Variants in ACSM2B observed in about 807,000 individuals in gnomAD.
The protein encoded by ACSM2B is acyl-coenzyme A synthetase ACSM2B, mitochondrial.
ACSM2B carries 58 observed loss-of-function variants against 78.6 expected under a neutral mutation model. The observed-to-expected ratio is 0.74, with a 90% CI of 0.60 to 0.92. The LOEUF (loss-of-function observed/expected upper bound fraction) is 0.92. Among genes scored for constraint, ACSM2B ranks in the 40% least tolerant of loss-of-function variants. The probability of loss-of-function intolerance (pLI) is 0.00; values close to 1 mark genes in which losing one functional copy is unlikely to be tolerated. For missense variants in ACSM2B, 688 were observed against 711.2 expected (o/e 0.97, Z 0.37); for synonymous variants, 257 against 256.8 (o/e 1.00, Z -0.01).
intron 10 of ACSM2B, chr16:20,544,587 T>C: frequency 2.0e-6 from 2 of 985,424 alleles, no homozygotes; most frequent in Non-Finnish European, 2.4e-6. Context: ...TCAGAAGGCA[T>C]GCCCTTGGGT....
intron 13 of ACSM2B, among the ~76,000 whole-genome samples, chr16:20,538,810 T>C (rs1453449708): frequency 6.6e-6 from 1 of 152,108 alleles, no homozygotes; most frequent in Non-Finnish European, 1.5e-5. Flanking sequence ...TGGAGGTGAA[T>C]GTTGAACCCG....
intron 2 of ACSM2B, among the ~76,000 whole-genome samples, chr16:20,560,484 C>G (rs2015618689): frequency 6.6e-6 from 1 of 152,088 alleles, no homozygotes; most frequent in Non-Finnish European, 1.5e-5. Context: ...CTTTCTTCAT[C>G]TTCCAACATT....
At chr16:20,575,122 G>C (rs1174775513) in intron 1 of ACSM2B, among the ~76,000 whole-genome samples, 1 of 151,484 alleles carries the variant, frequency 6.6e-6, no homozygotes, top group Non-Finnish European at 1.5e-5. Flanking sequence ...TTAGTATTTT[G>C]GGGTCTAATC....
intron 12 of ACSM2B, chr16:20,542,455 T>C (rs558906135): frequency 6.4e-6 from 1 of 155,990 alleles, no homozygotes; most frequent in South Asian, 2.0e-4. Context: ...TAATGCCAAA[T>C]AGTATTCCAT....
intron 1 of ACSM2B, among the ~76,000 whole-genome samples, chr16:20,572,852 T>C (rs1185590176): frequency 6.6e-6 from 1 of 151,998 alleles, no homozygotes; most frequent in Non-Finnish European, 1.5e-5. Context: ...TTCTTCTGCT[T>C]GTTCAATTCT....
Position 20,559,369 on chromosome 16 carries a change from G to T in ACSM2B, c.256C>A (p.Leu86Met), listed in dbSNP as rs778557354. 6.2e-7 allele frequency: 1 copy of T among 1,611,552 alleles called. No homozygotes were observed. The highest frequency in any genetic ancestry group is 8.5e-7 in the Non-Finnish European group (1 of 1,178,808). ...GKELMWNFRE[L>M]SENSQQAANI... Reference sequence around the variant, plus strand: ...GCTGCCTGCTGGCTGTTTTCACTCAGTTCTCTGAAATTCCACATTAATTCC... The same window carrying T: ...GCTGCCTGCTGGCTGTTTTCACTCATTTCTCTGAAATTCCACATTAATTCC... The change falls in exon 3 of 14, where the codon CTG (leucine) becomes ATG (methionine). Residue 86 changes from leucine (L) to methionine (M), a missense_variant. Leu to Met is a conservative substitution (Grantham distance 15). Coordinates refer to ENST00000329697, the MANE Select transcript of ACSM2B (RefSeq NM_001105069.2).
intron 1 of ACSM2B, among the ~76,000 whole-genome samples, chr16:20,567,145 ATAG>A (rs2015922405): frequency 7.4e-6 from 1 of 135,362 alleles, no homozygotes; most frequent in East Asian, 2.0e-4. Context: ...GATATAATAT[ATAG>A]TATAATAAGA....
intron 3 of ACSM2B, among the ~76,000 whole-genome samples, chr16:20,556,271 A>C (rs941287863): frequency 1.3e-5 from 2 of 152,166 alleles, no homozygotes; most frequent in Admixed American, 1.3e-4. Context: ...TACTATTTTA[A>C]TGAGACTCCT....
chr16:20,576,136 T>C (rs1431439947), intron 1 of ACSM2B, 71 bp downstream of exon 1: 3 of 151,038 alleles, frequency 2.0e-5, no homozygotes, highest in African/African-American at 7.4e-5. Context: ...TCACCAGCTG[T>C]GACTCTAAAA....
chr16:20,557,550 A>G (rs2015513051), intron 3 of ACSM2B, among the ~76,000 whole-genome samples: 1 of 152,212 alleles, frequency 6.6e-6, no homozygotes, highest in South Asian at 2.1e-4. Context: ...AGCATCCAAT[A>G]TGACCATCCA....
chr16:20,540,943 G>A, intron 12 of ACSM2B, 170 bp from the exon 13 acceptor site: 2 of 1,065,540 alleles, frequency 1.9e-6, no homozygotes, highest in Non-Finnish European at 1.3e-6. Flanking sequence ...TGAGGTTCCA[G>A]CTCTCTCTGA....
intron 10 of ACSM2B, chr16:20,544,420 G>A: frequency 5.2e-6 from 2 of 385,284 alleles, no homozygotes; most frequent in East Asian, 1.7e-4. Context: ...GTGGCTGGGA[G>A]GATTAAACGA....
intron 2 of ACSM2B, among the ~76,000 whole-genome samples, chr16:20,563,079 C>T (rs187484334): frequency 6.6e-6 from 1 of 152,282 alleles, no homozygotes; most frequent in African/African-American, 2.4e-5. Flanking sequence ...TCTGAGCTTT[C>T]AAGGGGGCAG....
At chr16:20,550,517 A>ATGGTTTTTAAT (rs2015280923) in intron 6 of ACSM2B, among the ~76,000 whole-genome samples, 1 of 152,168 alleles carries the variant, frequency 6.6e-6, no homozygotes, top group African/African-American at 2.4e-5. Context: ...ACTTATTAAA[A>ATGGTTTTTAAT]ACCAGTTCAA....
chr16:20,545,598 T>G (rs1596708302), intron 9 of ACSM2B, among the ~76,000 whole-genome samples: 1 of 152,188 alleles, frequency 6.6e-6, no homozygotes, highest in East Asian at 1.9e-4. Context: ...TCAAATTTAC[T>G]CTGCTACCTT....
chr16:20,565,597 C>T (rs956026140), intron 1 of ACSM2B, among the ~76,000 whole-genome samples: 9 of 152,244 alleles, frequency 5.9e-5, no homozygotes, highest in Non-Finnish European at 8.8e-5. Context: ...TGGACTGATA[C>T]ATCCTAAATC....
At chr16:20,560,128 T>C (rs1052820843) in intron 2 of ACSM2B, among the ~76,000 whole-genome samples, 6 of 150,980 alleles carry the variant, frequency 4.0e-5, no homozygotes, top group Non-Finnish European at 7.4e-5. Context: ...TTTTTCATCA[T>C]CCAAAACGAA....
chr16:20,540,879 A>C, intron 12 of ACSM2B, 106 bp from the exon 13 acceptor site: 1 of 1,461,782 alleles, frequency 6.8e-7, no homozygotes, highest in Admixed American at 1.9e-5. Flanking sequence ...GTATCTACTC[A>C]TTTGCACCCC....
At position 20,559,246 on chromosome 16, in the gene ACSM2B, T is replaced by C. The variant is rs1161253809; in HGVS notation, c.379A>G (p.Ile127Val). The change falls in exon 3 of 14, where the codon ATT becomes GTT. Residue 127 changes from isoleucine (I) to valine (V), a missense_variant. Ile to Val is a conservative substitution (Grantham distance 29). Transcript: ENST00000329697. ...PEWWLVILGC[I>V]RAGLIFMPGT... ...GTAGTCAGTTACCAACCTGCTCGAATGCAGCCCAGGATCACCAGCCACCAC... is the reference window on the plus strand; with the variant it reads ...GTAGTCAGTTACCAACCTGCTCGAACGCAGCCCAGGATCACCAGCCACCAC... 1 of 1,611,946 alleles carries C rather than the reference T, an allele frequency of 6.2e-7. No homozygotes were observed. Among genetic ancestry groups the C allele is most frequent in the Admixed American group, 1.7e-5 (1 of 59,922 alleles).
Sources: gnomAD v4.1 joint callset for allele counts (sites outside exome capture counted in the v4.1 genomes callset) on GRCh38, gnomAD v4.1.1 for gene constraint, MANE v1.5 for transcripts, NCBI Gene and HGNC (gene_info 2026-07-23, HGNC 2026-07-21) for gene names.